The following C12orf43 variants were observed in gnomAD, a reference collection of about 807,000 sequenced individuals.
C12orf43 encodes the protein chromosome 12 open reading frame 43.
Under a neutral mutation model 20.6 loss-of-function variants are expected in C12orf43, and 15 were observed. That is an observed-to-expected ratio of 0.73 (90% CI 0.49 to 1.12). C12orf43 has a LOEUF of 1.12. Ranked by LOEUF, C12orf43 falls within the 50% of genes most tolerant of loss-of-function variation. The pLI is 0.00. For missense variants in C12orf43, 334 were observed against 344.4 expected, an observed-to-expected ratio of 0.97 and a Z score of 0.24; for synonymous variants, 144 against 130.8, an observed-to-expected ratio of 1.10 and a Z score of -0.69.
At chr12:121,011,047 A>G (rs1878416228) in intron 2 of C12orf43, 57 bp downstream of exon 2, 2 of 1,597,626 alleles carry the variant, frequency 1.3e-6, no homozygotes, top group South Asian at 1.1e-5. Flanking sequence ...CATCTGGCAC[A>G]CGCAGGGGAT....
chr12:121,004,330 G>T lies in C12orf43; in HGVS notation c.612C>A (p.Asp204Glu), dbSNP rs1291120156. The change falls in exon 6 of 6, where the codon GAC (aspartate) becomes GAA (glutamate). Residue 204 changes from aspartate (D) to glutamate (E), a missense_variant. Transcript: ENST00000288757. This position sits in a 1 kb window ranked among gnomAD's most constrained non-coding sequence, Gnocchi z 5.6. ...KKKAKKVASV[D>E]SAVAATTPTS... is the part of the protein sequence containing the mutation. ...TGGGGGTGGTGGCAGCGACAGCCGA[G>T]TCGACACTGGCCACCTTCTTGGCTT... 3 of 1,614,050 alleles carry T rather than the reference G, an allele frequency of 1.9e-6. No individual in the cohort carries two copies. Among genetic ancestry groups the T allele is most frequent in the Non-Finnish European group, 1.7e-6 (2 of 1,179,996 alleles).
At chr12:121,015,469 T>C (rs527364277) in intron 1 of C12orf43, among the ~76,000 whole-genome samples, 1 of 152,328 alleles carries the variant, frequency 6.6e-6, no homozygotes, top group South Asian at 2.1e-4. Context: ...TTTAAATGCA[T>C]GAAATGCAAC....
intron 3 of C12orf43, 151 bp from the exon 4 acceptor site, chr12:121,006,545 T>A: frequency 1.4e-6 from 1 of 692,228 alleles, no homozygotes; most frequent in Non-Finnish European, 2.5e-6. Flanking sequence ...GGTCTGGTTA[T>A]AACATGCTGA....
chr12:121,011,436 CTT>C (rs1457592218), intron 1 of C12orf43, among the ~76,000 whole-genome samples: 4 of 146,638 alleles, frequency 2.7e-5, no homozygotes, highest in South Asian at 2.1e-4. Context: ...ATATATATAA[CTT>C]AGTTATATAT....
At chr12:121,009,338 C>A (rs536720974) in intron 3 of C12orf43, among the ~76,000 whole-genome samples, 2 of 152,052 alleles carry the variant, frequency 1.3e-5, no homozygotes, top group African/African-American at 4.8e-5. Context: ...CACCTGTAAC[C>A]CCAGCTACTC....
intron 1 of C12orf43, 186 bp downstream of exon 1, chr12:121,016,144 T>A (rs990739664): frequency 2.2e-6 from 2 of 908,876 alleles, no homozygotes; most frequent in Non-Finnish European, 3.5e-6. Flanking sequence ...CTTCCCCGAC[T>A]GGAATAATGA....
Position 121,005,016 on chromosome 12 carries a change from G to T in C12orf43, c.439C>A (p.Pro147Thr). The change falls in exon 5 of 6, where the codon CCC becomes ACC. Residue 147 changes from proline to threonine, a missense_variant. Transcript: ENST00000288757. The surrounding 1 kb of genome is among the most constrained non-coding windows in gnomAD (Gnocchi z 5.6). ...GTGAGTTCTCACCTGGAGCTGGAGG[G>T]CTGTCGCTTTCGGCGGGGTTGGGGA... ...ESPQPRRKRQ[P>T]SSSSEDSDEE... is the part of the protein sequence containing the mutation. The T allele has an allele frequency of 6.5e-7, 1 of 1,541,406 alleles. No homozygotes were observed.
rs1336753113 is a variant in C12orf43 at position 121,004,599 on chromosome 12, A to AGG, written c.453-112_453-111dup. On this transcript the variant is annotated intron_variant, in intron 5 of 5. Transcript: ENST00000288757. This position sits in a 1 kb window ranked among gnomAD's most constrained non-coding sequence, Gnocchi z 5.6. ...GTCACCAGAAGGTGGCCGCAGAGAGAGGCAGGTAGTGAGTTCAGGCTTGGG... is the reference window on the plus strand; with the variant it reads ...GTCACCAGAAGGTGGCCGCAGAGAGAGGGGCAGGTAGTGAGTTCAGGCTTGGG... 1.7e-6 allele frequency: 2 copies of AGG among 1,175,100 alleles called. No homozygotes were observed. The highest frequency in any genetic ancestry group is 3.1e-5 in the African/African-American group (2 of 65,138). The allele number at this position is 1,175,100 out of a possible 1,614,324, so 72.8% of individuals were successfully genotyped here.
intron 3 of C12orf43, among the ~76,000 whole-genome samples, chr12:121,007,579 C>T (rs775471293): frequency 1.4e-4 from 21 of 152,192 alleles, no homozygotes; most frequent in Non-Finnish European, 5.9e-5. Flanking sequence ...GCTATGATGA[C>T]GATGCAGATG....
Position 121,002,505 on chromosome 12 carries a change from G to A in C12orf43, c.*1648C>T, listed in dbSNP as rs371649278. ...TTTTAGTAAAGTCAAGGAGAAATGC[G>A]GTGGAAACTTCTTGCTTGTCCACAA... is the stretch of plus-strand genomic sequence containing the variant. On this transcript the variant is annotated 3_prime_UTR_variant, in exon 6 of 6. Transcript: ENST00000288757. The A allele has an allele frequency of 2.2e-5, 11 of 509,888 alleles. No homozygotes were observed. The highest frequency in any genetic ancestry group is 8.8e-5 in the East Asian group (2 of 22,854). 31.6% of individuals were successfully genotyped at this position (509,888 alleles called of 1,614,324 possible). A position where few individuals can be genotyped will look rare whatever the true frequency, so the allele number is the denominator to read the frequency against.
rs1417813909 is a variant in C12orf43, at chr12:121,005,155, AT to A, written c.362-63del. ...ACAAAACAAAAAGAAACATAAAAAA[AT>A]AAAAAATAAAGAAACAAAAAAGAAA... On this transcript the variant is annotated intron_variant, in intron 4 of 5. Coordinates refer to ENST00000288757, the MANE Select transcript of C12orf43 (RefSeq NM_022895.3). The surrounding 1 kb of genome is among the most constrained non-coding windows in gnomAD (Gnocchi z 5.6). 15 of 902,154 alleles carry A rather than the reference AT, an allele frequency of 1.7e-5. No individual in the cohort carries two copies. Among genetic ancestry groups the A allele is most frequent in the Non-Finnish European group, 2.2e-5 (15 of 670,516 alleles). 55.9% of individuals were successfully genotyped at this position (902,154 alleles called of 1,614,324 possible).
rs145295927 is a variant in C12orf43, at chr12:121,010,119, C to T, written c.287+709G>A. Among the ~76,000 whole-genome samples the T allele has an allele frequency of 3.1e-4, 47 of 152,262 alleles. No homozygotes were observed. In the East Asian group the frequency reaches 6.0e-3, roughly 19 times the overall value. On this transcript the variant is annotated intron_variant, in intron 3 of 5. Transcript: ENST00000288757. ...GAGTTCGAGATCAGCCTGGTCAACACGGTGAAACCCCGTCTCTACTAAAAA... is the reference window on the plus strand; with the variant it reads ...GAGTTCGAGATCAGCCTGGTCAACATGGTGAAACCCCGTCTCTACTAAAAA...
intron 1 of C12orf43, among the ~76,000 whole-genome samples, chr12:121,011,350 A>G (rs888469321): frequency 2.0e-5 from 3 of 148,392 alleles, no homozygotes; most frequent in African/African-American, 7.3e-5. Context: ...ATTTAGTTAT[A>G]TATGTATATA....
Position 121,002,406 on chromosome 12 carries a change from A to G in C12orf43, c.*1747T>C. ...GTGTACCGCGTCTACCCTGGGATTCAGGAAAAGGCCTGGGGTGACCCGGCA... is the reference window on the plus strand; with the variant it reads ...GTGTACCGCGTCTACCCTGGGATTCGGGAAAAGGCCTGGGGTGACCCGGCA... On this transcript the variant is annotated 3_prime_UTR_variant, in exon 6 of 6. Transcript: ENST00000288757. 1 of 528,606 alleles carries G rather than the reference A, an allele frequency of 1.9e-6. No individual in the cohort carries two copies. Among genetic ancestry groups the G allele is most frequent in the Middle Eastern group, 3.6e-4 (1 of 2,752 alleles). The allele number at this position is 528,606 out of a possible 1,614,324, so 32.7% of individuals were successfully genotyped here.
At chr12:121,013,303 G>A (rs190742370) in intron 1 of C12orf43, among the ~76,000 whole-genome samples, 1 of 152,312 alleles carries the variant, frequency 6.6e-6, no homozygotes, top group Admixed American at 6.5e-5. Context: ...TGTGATGAAG[G>A]TGAGGTACCG....
At chr12:121,010,417 C>T (rs547994678) in intron 3 of C12orf43, among the ~76,000 whole-genome samples, 46 of 152,324 alleles carry the variant, frequency 3.0e-4, no homozygotes, top group African/African-American at 1.1e-3. Flanking sequence ...CACTTAATAG[C>T]GGTGTCCCCT....
chr12:121,014,645 CAAAA>C (rs58063900), intron 1 of C12orf43, among the ~76,000 whole-genome samples: 3 of 117,670 alleles, frequency 2.5e-5, no homozygotes. Context: ...AAAAAAAATG[CAAAA>C]AAAAAAAAAA....
In C12orf43 at chr12:121,006,384, T is replaced by C. The variant is rs761035258; in HGVS notation, c.298A>G (p.Ile100Val). Residue 100 changes from isoleucine to valine, a missense_variant, in exon 4 of 6, where the codon ATC becomes GTC. Physicochemically the swap from Ile to Val is conservative, Grantham distance 29. Coordinates refer to ENST00000288757, the MANE Select transcript of C12orf43 (RefSeq NM_022895.3). ...GCTGGCTCCTTTGCTGCTTCTGAGA[T>C]GGTAATGAAGCTACAGGGAGACGAG... ...LGALLDSFITISEAAKEPAKA... is the reference protein window; with the variant it reads ...LGALLDSFITVSEAAKEPAKA... 6.2e-7 allele frequency: 1 copy of C among 1,614,102 alleles called. No individual in the cohort carries two copies. Among genetic ancestry groups the C allele is most frequent in the South Asian group, 1.1e-5 (1 of 91,090 alleles).
rs1276316843 is a variant in C12orf43 at position 121,011,336 on chromosome 12, T to C, written c.146-190A>G. On this transcript the variant is annotated intron_variant, in intron 1 of 5. Coordinates refer to ENST00000288757, the MANE Select transcript of C12orf43 (RefSeq NM_022895.3). ...ATACCCATAACTTCAAATAGTTACATATAATTTAGTTATATATGTATATAA... is the reference window on the plus strand; with the variant it reads ...ATACCCATAACTTCAAATAGTTACACATAATTTAGTTATATATGTATATAA... Among the ~76,000 whole-genome samples, 2 of 148,536 alleles carry C rather than the reference T, an allele frequency of 1.3e-5. 1 individual carries two copies. Among genetic ancestry groups the C allele is most frequent in the Admixed American group, 1.3e-4 (2 of 14,832 alleles).
Sources: allele counts gnomAD v4.1 joint callset (sites outside exome capture counted in the v4.1 genomes callset), GRCh38; gene constraint gnomAD v4.1.1; non-coding constraint Gnocchi (gnomAD v3.1); transcripts MANE v1.5; gene names NCBI Gene and HGNC (gene_info 2026-07-23, HGNC 2026-07-21).